Variants in COMT observed in about 807,000 individuals in gnomAD.
COMT encodes the protein catechol O-methyltransferase.
Under a neutral mutation model 18.9 loss-of-function variants are expected in COMT, and 13 were observed. The observed-to-expected ratio is 0.69, with a 90% CI of 0.45 to 1.09. COMT has a LOEUF of 1.09. Ranked by LOEUF, COMT falls within the 50% of genes least tolerant of loss-of-function variation. The pLI, the probability that COMT is intolerant of heterozygous loss-of-function variation, is 0.00. For synonymous variants in COMT, 150 were observed against 160.9 expected, an observed-to-expected ratio of 0.93 and a Z score of 0.51; for missense variants, 329 against 361.8, an observed-to-expected ratio of 0.91 and a Z score of 0.73.
intron 5 of COMT, chr22:19,964,959 C>T: frequency 5.7e-6 from 1 of 176,350 alleles, no homozygotes; most frequent in Non-Finnish European, 1.2e-5. Flanking sequence ...GGGCTTGGGA[C>T]ACCCACCCTC....
intron 1 of COMT, among the ~76,000 whole-genome samples, chr22:19,954,290 A>T (rs911108537): frequency 1.3e-5 from 2 of 150,850 alleles, no homozygotes; most frequent in Admixed American, 6.6e-5. Context: ...GGGAGGCTAC[A>T]GGAGGCTGCC....
rs1169844778 is a variant in COMT at position 19,962,876 on chromosome 22, G to A, written c.289+61G>A. On this transcript the variant is annotated intron_variant, in intron 3 of 5. Coordinates refer to ENST00000361682, the MANE Select transcript of COMT (RefSeq NM_000754.4). ...CAGGGACCCAGGACCAGGCATCAAA[G>A]CCCTTACAGGAGAAGCTGTTATCAC... The A allele has an allele frequency of 1.9e-6, 3 of 1,547,848 alleles. No individual in the cohort carries two copies. The African/African-American group carries it at 4.1e-5, about 21-fold the overall frequency.
chr22:19,955,948 G>A (rs1942047845), intron 1 of COMT, among the ~76,000 whole-genome samples: 1 of 152,078 alleles, frequency 6.6e-6, no homozygotes, highest in South Asian at 2.1e-4. Flanking sequence ...GCCCCTGGTA[G>A]CTGTCTTTCT....
chr22:19,955,256 A>G (rs1942033064), intron 1 of COMT, among the ~76,000 whole-genome samples: 1 of 152,192 alleles, frequency 6.6e-6, no homozygotes, highest in Non-Finnish European at 1.5e-5. Flanking sequence ...CCCTGGGTCC[A>G]GAGATGAGCG....
At chr22:19,949,979 G>T (rs1370308738) in intron 1 of COMT, among the ~76,000 whole-genome samples, 2 of 152,102 alleles carry the variant, frequency 1.3e-5, no homozygotes, top group African/African-American at 4.8e-5. Flanking sequence ...AAGCCAAAAA[G>T]TACAAAAAGT....
At position 19,962,664 on chromosome 22, in the gene COMT, C is replaced by T. The variant is rs1199445620; in HGVS notation, c.138C>T (p.Ile46=). The part of the protein sequence containing the change: ...IGWNEFILQP[I]HNLLMGDTKE... ...GGAACGAGTTCATCCTGCAGCCCAT[C>T]CACAACCTGCTCATGGGTGACACCA... Residue 46 remains isoleucine, a synonymous_variant, in exon 3 of 6, where the codon ATC becomes ATT. Transcript: ENST00000361682. 2 of 1,612,608 alleles carry T rather than the reference C, an allele frequency of 1.2e-6. No individual in the cohort carries two copies. Among genetic ancestry groups the T allele is most frequent in the East Asian group, 4.5e-5 (2 of 44,854 alleles).
At chr22:19,952,783 T>C (rs1014241065) in intron 1 of COMT, among the ~76,000 whole-genome samples, 2 of 151,634 alleles carry the variant, frequency 1.3e-5, no homozygotes, top group Non-Finnish European at 2.9e-5. Context: ...AAACCTTGTC[T>C]CTACTAAAAA....
At chr22:19,955,887 AC>A (rs1323496680) in intron 1 of COMT, among the ~76,000 whole-genome samples, 15 of 152,340 alleles carry the variant, frequency 9.8e-5, no homozygotes, top group Admixed American at 9.1e-4. Context: ...ATTTCAGAGC[AC>A]AACCTGAGGT....
intron 1 of COMT, among the ~76,000 whole-genome samples, chr22:19,949,158 A>G (rs1182831465): frequency 6.6e-6 from 1 of 152,048 alleles, no homozygotes; most frequent in Non-Finnish European, 1.5e-5. Context: ...TTGTTTTGAG[A>G]CAGAATCTCA....
chr22:19,951,469 C>T (rs544882417), intron 1 of COMT: 7 of 152,110 alleles, frequency 4.6e-5, no homozygotes, highest in Admixed American at 2.0e-4. Flanking sequence ...GATATTCTTC[C>T]GGACCACTGG....
intron 1 of COMT, among the ~76,000 whole-genome samples, chr22:19,944,957 A>G (rs886667803): frequency 6.6e-6 from 1 of 152,238 alleles, no homozygotes; most frequent in Non-Finnish European, 1.5e-5. Context: ...CTTTTGATTG[A>G]AGATAATCAA....
intron 3 of COMT, 71 bp downstream of exon 3, chr22:19,962,886 G>A (rs561449386): frequency 3.3e-5 from 51 of 1,535,378 alleles, no homozygotes; most frequent in Non-Finnish European, 4.1e-5. Context: ...GCCCTTACAG[G>A]AGAAGCTGTT....
intron 1 of COMT, among the ~76,000 whole-genome samples, chr22:19,957,476 A>C (rs1199196119): frequency 6.6e-6 from 1 of 152,230 alleles, no homozygotes; most frequent in Non-Finnish European, 1.5e-5. Flanking sequence ...TGTGAGAGAG[A>C]ATACTGACCA....
rs8192488 is a variant in COMT at position 19,963,714 on chromosome 22, C to T, written c.438C>T (p.Ala146=). 4.9e-3 allele frequency: 7,876 copies of T among 1,612,932 alleles called. 326 individuals carry two copies. The African/African-American group carries it at 0.087, about 18-fold the overall frequency. Residue 146 remains alanine, a synonymous_variant, in exon 4 of 6, where the codon GCC becomes GCT. Coordinates refer to ENST00000361682, the MANE Select transcript of COMT (RefSeq NM_000754.4). ...CCATCGAGATCAACCCCGACTGTGCCGCCATCACCCAGCGGATGGTGGATT... is the reference window on the plus strand; with the variant it reads ...CCATCGAGATCAACCCCGACTGTGCTGCCATCACCCAGCGGATGGTGGATT... The part of the protein sequence containing the change: ...LITIEINPDC[A]AITQRMVDFA...
intron 2 of COMT, 194 bp from the exon 3 acceptor site, chr22:19,962,333 G>A (rs1032210470): frequency 7.2e-5 from 64 of 886,450 alleles, no homozygotes; most frequent in Non-Finnish European, 1.0e-4. Flanking sequence ...CTGTCTACCC[G>A]AGGGCACCAG....
chr22:19,965,909 T>C (rs1169922961), intron 5 of COMT, among the ~76,000 whole-genome samples: 2 of 151,966 alleles, frequency 1.3e-5, no homozygotes, highest in Non-Finnish European at 2.9e-5. Flanking sequence ...GGCAATTGGG[T>C]ATTGATGGCA....
chr22:19,954,683 C>A (rs9332346), intron 1 of COMT, among the ~76,000 whole-genome samples: 15,109 of 152,174 alleles, frequency 0.099, 898 homozygotes, highest in South Asian at 0.13. Context: ...GAACTCCTGA[C>A]CTCAGGTGAT....
In COMT at chr22:19,969,231, C is replaced by T. The variant is rs986733835; in HGVS notation, c.*495C>T. 1 of 157,592 alleles carries T rather than the reference C, an allele frequency of 6.3e-6. No individual in the cohort carries two copies. Among genetic ancestry groups the T allele is most frequent in the Non-Finnish European group, 1.4e-5 (1 of 71,352 alleles). 9.8% of individuals were successfully genotyped at this position (157,592 alleles called of 1,614,324 possible). ...CCCTCCTGCAGCTAGGCCAGGGGCA[C>T]CTGTTAGCCCCATGGGGACGACTGC... On this transcript the variant is annotated 3_prime_UTR_variant, in exon 6 of 6. Transcript: ENST00000361682.
chr22:19,948,102 T>C (rs77139602), intron 1 of COMT, among the ~76,000 whole-genome samples: 199 of 152,330 alleles, frequency 1.3e-3, no homozygotes, highest in Non-Finnish European at 1.6e-3. Context: ...TACAAACTAA[T>C]GATTAACAAT....
Sources: gnomAD v4.1 joint callset for allele counts (sites outside exome capture counted in the v4.1 genomes callset) on GRCh38, gnomAD v4.1.1 for gene constraint, MANE v1.5 for transcripts, NCBI Gene and HGNC (gene_info 2026-07-23, HGNC 2026-07-21) for gene names.